Variants in CAB39 observed in about 807,000 individuals in gnomAD.
The protein encoded by CAB39 is calcium-binding protein 39.
In CAB39, 8 loss-of-function variants were observed where a neutral mutation model predicts 40.0. That is an observed-to-expected ratio of 0.20 (90% CI 0.12 to 0.36). The LOEUF is 0.36. CAB39 is among the 10% of genes least tolerant of loss of function. The pLI, the probability that CAB39 is intolerant of heterozygous loss-of-function variation, is 1.00. For synonymous variants in CAB39, 156 were observed against 141.6 expected (o/e 1.10, Z -0.72); for missense variants, 270 against 401.1 (o/e 0.67, Z 2.79).
At chr2:230,752,835 A>G (rs1447216334) in intron 1 of CAB39, among the ~76,000 whole-genome samples, 1 of 152,216 alleles carries the variant, frequency 6.6e-6, no homozygotes, top group Admixed American at 6.5e-5. Context: ...TGTGACAACC[A>G]AGTTTAGTGA....
At chr2:230,780,819 A>T in intron 2 of CAB39, among the ~76,000 whole-genome samples, 1 of 152,218 alleles carries the variant, frequency 6.6e-6, no homozygotes, top group East Asian at 1.9e-4. Context: ...TCAGTGGCTC[A>T]TGCCTGTAAT....
chr2:230,728,828 G>A (rs1694633716), intron 1 of CAB39, among the ~76,000 whole-genome samples: 1 of 152,068 alleles, frequency 6.6e-6, no homozygotes, highest in South Asian at 2.1e-4. Flanking sequence ...TCCTAGATTG[G>A]TCTCGAACTC....
At chr2:230,807,031 T>A (rs1005110238) in intron 5 of CAB39, among the ~76,000 whole-genome samples, 1 of 152,162 alleles carries the variant, frequency 6.6e-6, no homozygotes, top group Non-Finnish European at 1.5e-5. Context: ...TAGTCTTTCT[T>A]CCATTATATG....
intron 2 of CAB39, among the ~76,000 whole-genome samples, chr2:230,765,374 G>A (rs1695368502): frequency 6.6e-6 from 1 of 152,072 alleles, no homozygotes; most frequent in African/African-American, 2.4e-5. Context: ...AGTATAAATA[G>A]CAATACAGAG....
intron 2 of CAB39, among the ~76,000 whole-genome samples, 175 bp downstream of exon 2, chr2:230,760,290 A>G (rs1695267222): frequency 6.6e-6 from 1 of 152,174 alleles, no homozygotes; most frequent in Non-Finnish European, 1.5e-5. Context: ...TCGTCTAACA[A>G]ATAGATTTCT....
intron 1 of CAB39, among the ~76,000 whole-genome samples, chr2:230,724,453 G>A (rs1490533829): frequency 1.3e-5 from 2 of 151,894 alleles, no homozygotes; most frequent in African/African-American, 4.8e-5. Flanking sequence ...AGGCCGAGGT[G>A]GGCGGATCAC....
intron 2 of CAB39, among the ~76,000 whole-genome samples, chr2:230,765,813 TA>T (rs1695375708): frequency 2.6e-5 from 4 of 152,150 alleles, no homozygotes. Flanking sequence ...AACAAAGGGT[TA>T]TCTAGCCAAA....
chr2:230,818,787 G>A lies in CAB39; in HGVS notation c.*83G>A. 3 of 1,062,400 alleles carry A rather than the reference G, an allele frequency of 2.8e-6. No individual in the cohort carries two copies. The highest frequency in any genetic ancestry group is 4.2e-6 in the Non-Finnish European group (3 of 714,700). The allele number at this position is 1,062,400 out of a possible 1,614,324, so 65.8% of individuals were successfully genotyped here. A position where few individuals can be genotyped will look rare whatever the true frequency, so the allele number is the denominator to read the frequency against. On this transcript the variant is annotated 3_prime_UTR_variant, in exon 9 of 9. Coordinates refer to ENST00000258418, the MANE Select transcript of CAB39 (RefSeq NM_016289.4). ...ATCAGGCACTCTTATTGATTCATGAGGAACATTACTGCTAATCTGCTGTTA... is the reference window on the plus strand; with the variant it reads ...ATCAGGCACTCTTATTGATTCATGAAGAACATTACTGCTAATCTGCTGTTA...
intron 5 of CAB39, among the ~76,000 whole-genome samples, chr2:230,808,413 C>T (rs983855324): frequency 1.1e-4 from 16 of 152,278 alleles, no homozygotes; most frequent in African/African-American, 3.1e-4. Context: ...ACCTCCATAG[C>T]GGGACATCAG....
chr2:230,803,642 C>G (rs1304437200), intron 5 of CAB39, among the ~76,000 whole-genome samples: 1 of 152,200 alleles, frequency 6.6e-6, no homozygotes, highest in Non-Finnish European at 1.5e-5. Context: ...TGACTGAATT[C>G]CCATTCACAA....
At chr2:230,757,329 C>A (rs1407676446) in intron 1 of CAB39, among the ~76,000 whole-genome samples, 1 of 152,130 alleles carries the variant, frequency 6.6e-6, no homozygotes, top group Non-Finnish European at 1.5e-5. Flanking sequence ...CTCCTGACCT[C>A]AAGCAATTCA....
intron 1 of CAB39, among the ~76,000 whole-genome samples, chr2:230,740,608 C>G (rs1694859314): frequency 6.6e-6 from 1 of 152,090 alleles, no homozygotes; most frequent in Non-Finnish European, 1.5e-5. Context: ...TGTGCCACCT[C>G]AGACCATCAA....
At chr2:230,801,097 G>A (rs1696081763) in intron 5 of CAB39, among the ~76,000 whole-genome samples, 1 of 152,162 alleles carries the variant, frequency 6.6e-6, no homozygotes, top group Non-Finnish European at 1.5e-5. Context: ...TGCATCTCAG[G>A]TGCTCCTTAT....
intron 2 of CAB39, among the ~76,000 whole-genome samples, chr2:230,780,650 A>G (rs1262282524): frequency 6.6e-6 from 1 of 152,238 alleles, no homozygotes; most frequent in East Asian, 1.9e-4. Flanking sequence ...CAAGAATACC[A>G]CAGAAGTGAA....
chr2:230,720,649 T>G (rs1694432526), intron 1 of CAB39, among the ~76,000 whole-genome samples: 1 of 152,218 alleles, frequency 6.6e-6, no homozygotes, highest in South Asian at 2.1e-4. Flanking sequence ...CTTGAACTCC[T>G]GACCTTGTGA....
intron 4 of CAB39, among the ~76,000 whole-genome samples, chr2:230,793,623 C>T (rs1695927911): frequency 6.6e-6 from 1 of 152,068 alleles, no homozygotes; most frequent in South Asian, 2.1e-4. Flanking sequence ...TTTCTGTTCT[C>T]TAGGATTTAA....
chr2:230,729,762 T>C (rs1471529612), intron 1 of CAB39, among the ~76,000 whole-genome samples: 2 of 151,680 alleles, frequency 1.3e-5, no homozygotes, highest in East Asian at 3.8e-4. Context: ...AAAAAAAGTT[T>C]AGTAAGATGG....
chr2:230,726,052 G>A (rs1489114333), intron 1 of CAB39, among the ~76,000 whole-genome samples: 2 of 152,176 alleles, frequency 1.3e-5, no homozygotes, highest in African/African-American at 4.8e-5. Context: ...ATTGCTGAAA[G>A]AATGCATAGT....
intron 1 of CAB39, among the ~76,000 whole-genome samples, chr2:230,739,876 A>G (rs1235209747): frequency 6.6e-6 from 1 of 152,224 alleles, no homozygotes; most frequent in Non-Finnish European, 1.5e-5. Context: ...TATGGTTGCT[A>G]TCATTAGTAT....
Sources: allele counts gnomAD v4.1 joint callset (sites outside exome capture counted in the v4.1 genomes callset), GRCh38; gene constraint gnomAD v4.1.1; transcripts MANE v1.5; gene names NCBI Gene and HGNC (gene_info 2026-07-23, HGNC 2026-07-21).